Variants in FBXO11 observed in about 807,000 individuals in gnomAD.
FBXO11 encodes F-box protein 11.
FBXO11 carries 13 observed loss-of-function variants against 117.0 expected under a neutral mutation model. The ratio of observed to expected loss-of-function variants is 0.11; its 90% CI spans 0.07 to 0.18. The LOEUF (loss-of-function observed/expected upper bound fraction) is 0.18, where lower values mean the gene tolerates loss of function less well. Ranked by LOEUF, FBXO11 falls within the 10% of genes least tolerant of loss-of-function variation. The pLI is 1.00. For synonymous variants in FBXO11, 490 were observed against 380.5 expected, an observed-to-expected ratio of 1.29 and a Z score of -3.35; for missense variants, 767 against 1,164.4, an observed-to-expected ratio of 0.66 and a Z score of 4.97.
At chr2:47,834,341 C>T (rs1041626474) in intron 7 of FBXO11, among the ~76,000 whole-genome samples, 28 of 151,454 alleles carry the variant, frequency 1.8e-4, no homozygotes, top group Non-Finnish European at 2.9e-5. Context: ...CATAGCTAGA[C>T]TCTGCATCAA....
At chr2:47,813,448 T>TTTTTA in intron 17 of FBXO11, 71 bp from the exon 18 acceptor site, 1 of 922,540 alleles carries the variant, frequency 1.1e-6, no homozygotes, top group Non-Finnish European at 1.5e-6. Context: ...TTTTTTTTTT[T>TTTTTA]GAGACAGAGT....
At chr2:47,817,380 A>T (rs547162818) in intron 16 of FBXO11, among the ~76,000 whole-genome samples, 1 of 152,256 alleles carries the variant, frequency 6.6e-6, no homozygotes, top group East Asian at 1.9e-4. Flanking sequence ...GCATAAGTCC[A>T]TTTTTTTGTT....
At chr2:47,812,744 T>C (rs1194510005) in intron 18 of FBXO11, 2 of 196,974 alleles carry the variant, frequency 1.0e-5, no homozygotes, top group Non-Finnish European at 1.0e-5. Context: ...GCAGGCACTA[T>C]GGAACTTTTG....
intron 4 of FBXO11, among the ~76,000 whole-genome samples, chr2:47,836,282 C>T (rs1030712105): frequency 2.6e-5 from 4 of 152,034 alleles, no homozygotes; most frequent in Non-Finnish European, 4.4e-5. Flanking sequence ...TGTGTCACCA[C>T]GCACAGCTAA....
rs949036425 is a variant in FBXO11 at position 47,882,642 on chromosome 2, T to G, written c.232+22847A>C. On this transcript the variant is annotated intron_variant, in intron 1 of 22. Transcript: ENST00000403359. ...GTCTGCTTCTTGTGCTCCTTCTTATTTCATCTGTATTTCTGTACTATTTTT... is the reference window on the plus strand; with the variant it reads ...GTCTGCTTCTTGTGCTCCTTCTTATGTCATCTGTATTTCTGTACTATTTTT... Among the ~76,000 whole-genome samples, 6 of 152,190 alleles carry G rather than the reference T, an allele frequency of 3.9e-5. No homozygotes were observed. The East Asian group carries it at 1.2e-3, about 29-fold the overall frequency.
At chr2:47,838,652 A>G (rs1391855093) in intron 4 of FBXO11, among the ~76,000 whole-genome samples, 1 of 152,274 alleles carries the variant, frequency 6.6e-6, no homozygotes, top group Non-Finnish European at 1.5e-5. Context: ...ATTAACTGAT[A>G]AACAGCAGAT....
At chr2:47,876,483 G>A (rs1676014300) in intron 1 of FBXO11, among the ~76,000 whole-genome samples, 1 of 152,024 alleles carries the variant, frequency 6.6e-6, no homozygotes, top group South Asian at 2.1e-4. Context: ...TCCTCACTTT[G>A]GGCCTCATTC....
At chr2:47,900,191 C>A (rs916653478) in intron 1 of FBXO11, among the ~76,000 whole-genome samples, 3 of 152,106 alleles carry the variant, frequency 2.0e-5, no homozygotes, top group African/African-American at 7.2e-5. Context: ...TTCTATCCCT[C>A]AAGTAAGTTC....
In FBXO11 at chr2:47,822,307, T is replaced by A; in HGVS notation, c.1617-4A>T. ...TCCATTAAATATAGAATTTCCCCTATAATTATGCGAAATAAAAAAAAAGAA... is the reference window on the plus strand; with the variant it reads ...TCCATTAAATATAGAATTTCCCCTAAAATTATGCGAAATAAAAAAAAAGAA... On this transcript the variant is annotated splice_region_variant and splice_polypyrimidine_tract_variant and intron_variant, in intron 12 of 22. Transcript: ENST00000403359. 3 of 1,552,846 alleles carry A rather than the reference T, an allele frequency of 1.9e-6. No homozygotes were observed. Among genetic ancestry groups the A allele is most frequent in the South Asian group, 1.2e-5 (1 of 84,700 alleles).
At chr2:47,878,582 C>G (rs1334436715) in intron 1 of FBXO11, among the ~76,000 whole-genome samples, 1 of 151,884 alleles carries the variant, frequency 6.6e-6, no homozygotes, top group Non-Finnish European at 1.5e-5. Flanking sequence ...GTCTTGAACT[C>G]CTGACCTCGA....
At chr2:47,855,629 T>C (rs1209905117) in intron 1 of FBXO11, among the ~76,000 whole-genome samples, 2 of 151,776 alleles carry the variant, frequency 1.3e-5, no homozygotes, top group Non-Finnish European at 2.9e-5. Context: ...AAGTCAGGAG[T>C]TCGAGACCAG....
rs1242034326 is a variant in FBXO11, at chr2:47,839,649, C to T, written c.353G>A (p.Ser118Asn). The T allele has an allele frequency of 3.1e-6, 5 of 1,614,008 alleles. No individual in the cohort carries two copies. Among genetic ancestry groups the T allele is most frequent in the Non-Finnish European group, 4.2e-6 (5 of 1,179,996 alleles). ...PKRTACPTKN[S>N]MEGASTSTTE... ...AACTACAGTTAAAGTTACCTCCATA[C>T]TGTTCTTTGTGGGACACGCTGTTCT... The change falls in exon 2 of 23, where the codon AGT (serine) becomes AAT (asparagine). Residue 118 changes from serine (S) to asparagine (N), a missense_variant. Ser to Asn is a conservative substitution (Grantham distance 46). Coordinates refer to ENST00000403359, the MANE Select transcript of FBXO11 (RefSeq NM_001190274.2).
intron 13 of FBXO11, 123 bp downstream of exon 13, chr2:47,822,095 G>C: frequency 2.9e-6 from 2 of 696,720 alleles, no homozygotes; most frequent in Non-Finnish European, 2.4e-6. Flanking sequence ...CTTTAAAAAA[G>C]AAAAAAATTA....
chr2:47,879,940 C>T (rs77969729), intron 1 of FBXO11, among the ~76,000 whole-genome samples: 22,450 of 151,820 alleles, frequency 0.15, 1,812 homozygotes, highest in Non-Finnish European at 0.18. Context: ...AATTTCCTTT[C>T]TAAAGTTTGA....
chr2:47,884,610 G>C (rs1233658680), intron 1 of FBXO11, among the ~76,000 whole-genome samples: 1 of 152,172 alleles, frequency 6.6e-6, no homozygotes, highest in East Asian at 1.9e-4. Context: ...TTGTGTGTAT[G>C]TTTATCATTG....
At chr2:47,827,889 G>T (rs1347928308) in intron 11 of FBXO11, among the ~76,000 whole-genome samples, 3 of 150,188 alleles carry the variant, frequency 2.0e-5, no homozygotes, top group South Asian at 2.1e-4. Flanking sequence ...TAGAGACGGG[G>T]TTTTGCCAAG....
chr2:47,895,821 T>G (rs931867345), intron 1 of FBXO11, among the ~76,000 whole-genome samples: 1 of 151,834 alleles, frequency 6.6e-6, no homozygotes, highest in African/African-American at 2.4e-5. Flanking sequence ...GCCTCCCGAG[T>G]AGCTGGGATT....
chr2:47,850,702 A>G lies in FBXO11; in HGVS notation c.233-10933T>C, dbSNP rs184945264. On this transcript the variant is annotated intron_variant, in intron 1 of 22. Transcript: ENST00000403359. ...AAAGTTCATAACTTTAGTTTGATTAAAAGAAAATCTCCAACTGACAACTAC... is the reference window on the plus strand; with the variant it reads ...AAAGTTCATAACTTTAGTTTGATTAGAAGAAAATCTCCAACTGACAACTAC... 2.9e-4 allele frequency among the ~76,000 whole-genome samples: 44 copies of G among 152,324 alleles called. No homozygotes were observed. The East Asian group carries it at 7.9e-3, about 27-fold the overall frequency.
intron 11 of FBXO11, among the ~76,000 whole-genome samples, chr2:47,830,609 A>G (rs997055377): frequency 1.3e-5 from 2 of 152,236 alleles, no homozygotes; most frequent in African/African-American, 4.8e-5. Context: ...CTTAAAATGT[A>G]TAAATCTCAT....
Sources: allele counts gnomAD v4.1 joint callset (sites outside exome capture counted in the v4.1 genomes callset), GRCh38; gene constraint gnomAD v4.1.1; transcripts MANE v1.5; gene names NCBI Gene and HGNC (gene_info 2026-07-23, HGNC 2026-07-21).